CASK: variants seen among roughly 807,000 people sequenced by gnomAD.
CASK encodes peripheral plasma membrane protein CASK.
A neutral mutation model predicts 82.9 loss-of-function variants in CASK; 4 were observed. That is an observed-to-expected ratio of 0.05 (90% CI 0.02 to 0.11). The LOEUF (loss-of-function observed/expected upper bound fraction) is 0.11, where lower values mean the gene tolerates loss of function less well. Among genes scored for constraint, CASK ranks in the 10% least tolerant of loss-of-function variants. CASK has a pLI of 1.00. For synonymous variants in CASK, 259 were observed against 253.5 expected (o/e 1.02, Z -0.20); for missense variants, 358 against 720.9 (o/e 0.50, Z 5.76).
intron 3 of CASK, among the ~76,000 whole-genome samples, chrX:41,766,766 A>G (rs1365230854): frequency 9.0e-6 from 1 of 111,379 alleles, no homozygotes; most frequent in Non-Finnish European, 1.9e-5. Context: ...GCGCACCTGT[A>G]GTCCCAGCTA....
chrX:41,646,917 A>G (rs1188990471), intron 8 of CASK, among the ~76,000 whole-genome samples: 1 of 111,773 alleles, frequency 8.9e-6, no homozygotes, highest in Non-Finnish European at 1.9e-5. Context: ...CCTCCCCCTC[A>G]ATACATTTAA....
chrX:41,892,496 C>G (rs916314658), intron 1 of CASK, among the ~76,000 whole-genome samples: 2 of 110,152 alleles, frequency 1.8e-5, no homozygotes, highest in Admixed American at 9.7e-5. Context: ...CCACACCCAG[C>G]TAAATTTTTT....
intron 2 of CASK, among the ~76,000 whole-genome samples, chrX:41,807,865 A>C (rs779328055): frequency 9.0e-6 from 1 of 111,425 alleles, no homozygotes; most frequent in East Asian, 2.8e-4. Flanking sequence ...GTATTTATTT[A>C]TTTATTTGAG....
intron 11 of CASK, among the ~76,000 whole-genome samples, chrX:41,612,708 G>A (rs1282000729): frequency 1.1e-5 from 1 of 87,038 alleles, no homozygotes; most frequent in Admixed American, 1.2e-4. Context: ...GAGGTGGGGG[G>A]GTCAGCTCCC....
chrX:41,832,028 C>T (rs1416005303), intron 2 of CASK, among the ~76,000 whole-genome samples: 4 of 108,939 alleles, frequency 3.7e-5, no homozygotes, highest in East Asian at 5.6e-4. Context: ...TTAAAAAACA[C>T]GAAACCTAAA....
intron 2 of CASK, among the ~76,000 whole-genome samples, chrX:41,845,064 T>C (rs965602746): frequency 1.3e-4 from 15 of 111,847 alleles, no homozygotes; most frequent in African/African-American, 4.9e-4. Flanking sequence ...TTCAGATATT[T>C]TAAAATTGAT....
At chrX:41,825,839 T>C (rs1320086477) in intron 2 of CASK, among the ~76,000 whole-genome samples, 1 of 112,561 alleles carries the variant, frequency 8.9e-6, no homozygotes, top group Admixed American at 9.4e-5. Flanking sequence ...AACGAAATTA[T>C]AAAAACAGCC....
At chrX:41,805,192 T>C (rs2070092031) in intron 2 of CASK, among the ~76,000 whole-genome samples, 2 of 112,337 alleles carry the variant, frequency 1.8e-5, no homozygotes, top group South Asian at 7.4e-4. Flanking sequence ...AAATATGGCA[T>C]GGCTCTCATT....
chrX:41,569,752 A>T lies in CASK; in HGVS notation c.1504-6T>A, dbSNP rs767346232. On this transcript the variant is annotated splice_polypyrimidine_tract_variant and splice_region_variant and intron_variant, in intron 15 of 26. Coordinates refer to ENST00000378163, the MANE Select transcript of CASK (RefSeq NM_001367721.1). ...TTCATTTTTAAAGTGATTCCCTGTT[A>T]AAAAAAAAATAAAAAGTTCAGCAAA... 3 of 881,232 alleles carry T rather than the reference A, an allele frequency of 3.4e-6. No homozygotes were observed. Among genetic ancestry groups the T allele is most frequent in the African/African-American group, 2.0e-5 (1 of 49,356 alleles). 72.6% of individuals were successfully genotyped at this position (881,232 alleles called of 1,213,427 possible).
In CASK at chrX:41,643,093, T is replaced by G. The variant is rs188665045; in HGVS notation, c.832-6432A>C. 2.9e-4 allele frequency among the ~76,000 whole-genome samples: 32 copies of G among 111,785 alleles called. No homozygotes were observed. In the East Asian group the frequency reaches 7.0e-3, roughly 25 times the overall value. On this transcript the variant is annotated intron_variant, in intron 8 of 26. Transcript: ENST00000378163. ...TATTATTTCTGAGGGCTCTGTTCTG[T>G]TCCATTGGTCTATATCTCTGTTTTG...
At chrX:41,905,354 A>G (rs763769160) in intron 1 of CASK, among the ~76,000 whole-genome samples, 1 of 111,933 alleles carries the variant, frequency 8.9e-6, no homozygotes, top group African/African-American at 3.2e-5. Flanking sequence ...CATTCCCACC[A>G]ACGTACGAGA....
At chrX:41,889,551 T>C (rs894674728) in intron 1 of CASK, among the ~76,000 whole-genome samples, 4 of 111,608 alleles carry the variant, frequency 3.6e-5, no homozygotes, top group Admixed American at 9.5e-5. Flanking sequence ...ATAATACAAA[T>C]AAATGTTGGG....
At chrX:41,625,276 G>A (rs1348871518) in intron 10 of CASK, among the ~76,000 whole-genome samples, 2 of 100,754 alleles carry the variant, frequency 2.0e-5, no homozygotes, top group Non-Finnish European at 4.0e-5. Context: ...AGCTCTGCCT[G>A]CCGGGTTCAC....
At position 41,922,913 on chromosome X, in the gene CASK, C is replaced by T; in HGVS notation, c.59+17G>A. 5 of 1,204,855 alleles carry T rather than the reference C, an allele frequency of 4.1e-6. No homozygotes were observed. The highest frequency in any genetic ancestry group is 5.6e-6 in the Non-Finnish European group (5 of 889,048). Reference sequence around the variant, plus strand: ...ATGCATTTTTCCACACTCCCGCTCCCTCGCGTGGAGACTCACTTTCCGATC... The same window carrying T: ...ATGCATTTTTCCACACTCCCGCTCCTTCGCGTGGAGACTCACTTTCCGATC... On this transcript the variant is annotated intron_variant, in intron 1 of 26. Transcript: ENST00000378163.
intron 3 of CASK, among the ~76,000 whole-genome samples, chrX:41,785,740 AG>A (rs1232496922): frequency 1.8e-5 from 2 of 111,963 alleles, no homozygotes; most frequent in Non-Finnish European, 3.8e-5. Context: ...AGCCCTTTGT[AG>A]GGGGCAACTT....
intron 18 of CASK, chrX:41,558,405 A>G (rs1045281194): frequency 2.7e-5 from 3 of 111,539 alleles, no homozygotes; most frequent in African/African-American, 9.8e-5. Flanking sequence ...TAAAAAAAAA[A>G]AGAGAAACTT....
In CASK at chrX:41,545,095, G is replaced by A. The variant is rs147601705; in HGVS notation, c.2040-2289C>T. Among the ~76,000 whole-genome samples, 771 of 109,330 alleles carry A rather than the reference G, an allele frequency of 7.1e-3. 6 individuals are homozygous for A. Among genetic ancestry groups the A allele is most frequent in the African/African-American group, 0.025 (743 of 30,086 alleles). 94.9% of individuals were successfully genotyped at this position (109,330 alleles called of 115,157 possible). ...GGCTGGAGTGCAGTGGTGCAATCTC[G>A]GCTCACTGTAACCTCTGCTTCCCAG... is the stretch of plus-strand genomic sequence containing the variant. On this transcript the variant is annotated intron_variant, in intron 21 of 26. Coordinates refer to ENST00000378163, the MANE Select transcript of CASK (RefSeq NM_001367721.1).
At chrX:41,844,466 T>C (rs1189859197) in intron 2 of CASK, among the ~76,000 whole-genome samples, 1 of 111,800 alleles carries the variant, frequency 8.9e-6, no homozygotes, top group Non-Finnish European at 1.9e-5. Context: ...AATTAGCTCA[T>C]TTAATCTAGG....
At chrX:41,780,230 G>A (rs1602612721) in intron 3 of CASK, among the ~76,000 whole-genome samples, 1 of 112,177 alleles carries the variant, frequency 8.9e-6, no homozygotes, top group South Asian at 3.7e-4. Flanking sequence ...AACTCAGCCT[G>A]TCTTCAAAAC....
Sources: gnomAD v4.1 joint callset for allele counts (sites outside exome capture counted in the v4.1 genomes callset) on GRCh38, gnomAD v4.1.1 for gene constraint, MANE v1.5 for transcripts, NCBI Gene and HGNC (gene_info 2026-07-23, HGNC 2026-07-21) for gene names.